Variants in WDPCP observed in about 807,000 individuals in gnomAD.
The protein encoded by WDPCP is WD repeat-containing and planar cell polarity effector protein fritz homolog.
WDPCP carries 71 observed loss-of-function variants against 93.1 expected under a neutral mutation model. The observed-to-expected ratio is 0.76, with a 90% CI of 0.63 to 0.93. The LOEUF (loss-of-function observed/expected upper bound fraction) is 0.93, where lower values mean the gene tolerates loss of function less well. WDPCP is among the 40% of genes least tolerant of loss of function. The pLI, the probability that WDPCP is intolerant of heterozygous loss-of-function variation, is 0.00. For missense variants in WDPCP, 844 were observed against 887.4 expected (o/e 0.95, Z 0.62); for synonymous variants, 315 against 315.0 (o/e 1.00, Z 0.00).
intron 14 of WDPCP, among the ~76,000 whole-genome samples, chr2:63,192,729 A>G (rs1319869499): frequency 6.6e-6 from 1 of 152,188 alleles, no homozygotes. Context: ...GCTGTTATAC[A>G]TTTGTCTTCT....
At chr2:63,187,470 C>T (rs1674723794) in intron 14 of WDPCP, among the ~76,000 whole-genome samples, 1 of 152,076 alleles carries the variant, frequency 6.6e-6, no homozygotes, top group Non-Finnish European at 1.5e-5. Context: ...GTCTTTGACT[C>T]CCTTCTTTGT....
intron 2 of WDPCP, among the ~76,000 whole-genome samples, chr2:63,749,178 G>C (rs1669842517): frequency 6.6e-6 from 1 of 152,064 alleles, no homozygotes; most frequent in South Asian, 2.1e-4. Context: ...CTCTTTTAAA[G>C]TAAGGGATGA....
intron 15 of WDPCP, among the ~76,000 whole-genome samples, chr2:63,156,030 C>T (rs968501594): frequency 8.5e-5 from 13 of 152,128 alleles, no homozygotes; most frequent in Middle Eastern, 3.2e-3. Flanking sequence ...GACAGAGTCT[C>T]GCTCTGTTGC....
chr2:63,398,794 C>T (rs897348491), intron 10 of WDPCP, among the ~76,000 whole-genome samples: 2 of 152,028 alleles, frequency 1.3e-5, no homozygotes, highest in Admixed American at 6.6e-5. Context: ...ATAAATGCTC[C>T]CTAGTGGGAA....
At chr2:63,466,858 G>T (rs113509603) in intron 6 of WDPCP, among the ~76,000 whole-genome samples, 1 of 152,050 alleles carries the variant, frequency 6.6e-6, no homozygotes, top group Non-Finnish European at 1.5e-5. Flanking sequence ...CTTCCAAAAC[G>T]TTATTAGTCA....
intron 1 of WDPCP, among the ~76,000 whole-genome samples, chr2:63,526,155 A>T (rs1176611996): frequency 6.6e-6 from 1 of 152,108 alleles, no homozygotes; most frequent in East Asian, 1.9e-4. Flanking sequence ...AAAAAGCCAT[A>T]CCAGCCCTTC....
chr2:63,336,238 G>A (rs4353635), intron 12 of WDPCP, among the ~76,000 whole-genome samples: 4 of 152,112 alleles, frequency 2.6e-5, no homozygotes, highest in Admixed American at 1.3e-4. Context: ...GATCAGGACC[G>A]CTTTCCTGTA....
chr2:63,518,417 T>G (rs2106142420), intron 1 of WDPCP: 1 of 152,274 alleles, frequency 6.6e-6, no homozygotes, highest in East Asian at 1.9e-4. Flanking sequence ...AGCAGGTAAA[T>G]GGTCATCTGC....
At chr2:63,699,690 T>C (rs1669016144) in intron 2 of WDPCP, among the ~76,000 whole-genome samples, 1 of 152,200 alleles carries the variant, frequency 6.6e-6, no homozygotes, top group Non-Finnish European at 1.5e-5. Flanking sequence ...GAAGTCTCGT[T>C]TTCTAACATA....
At position 63,238,053 on chromosome 2, in the gene WDPCP, A is replaced by ATGT. The variant is rs1199252196; in HGVS notation, c.1915+21253_1915+21254insACA. Among the ~76,000 whole-genome samples the ATGT allele has an allele frequency of 3.3e-5, 5 of 152,234 alleles. No individual in the cohort carries two copies. In the East Asian group the frequency reaches 9.6e-4, roughly 29 times the overall value. On this transcript the variant is annotated intron_variant, in intron 14 of 17. Coordinates refer to ENST00000272321, the MANE Select transcript of WDPCP (RefSeq NM_015910.7). ...TACAGCTTCATGAGTTAATTGTTAA[A>ATGT]TAAGATGACATGCCCAAAATGGCAG...
intron 13 of WDPCP, among the ~76,000 whole-genome samples, chr2:63,292,018 A>T (rs1481435692): frequency 2.0e-5 from 3 of 150,352 alleles, no homozygotes; most frequent in South Asian, 4.2e-4. Context: ...CTGTAGTCCC[A>T]GCTACTCGGG....
At chr2:63,203,652 C>G (rs1031389966) in intron 14 of WDPCP, among the ~76,000 whole-genome samples, 2 of 152,184 alleles carry the variant, frequency 1.3e-5, no homozygotes, top group Non-Finnish European at 2.9e-5. Context: ...ACCTCCATTA[C>G]CCTTCCCAGC....
intron 13 of WDPCP, among the ~76,000 whole-genome samples, chr2:63,267,513 GAC>G (rs1682239214): frequency 6.6e-6 from 1 of 152,134 alleles, no homozygotes; most frequent in African/African-American, 2.4e-5. Context: ...AAAGATTATG[GAC>G]AGCAAAAGAA....
At chr2:63,230,580 A>C (rs1306181903) in intron 14 of WDPCP, among the ~76,000 whole-genome samples, 1 of 152,126 alleles carries the variant, frequency 6.6e-6, no homozygotes, top group East Asian at 1.9e-4. Context: ...CTATTTCTCC[A>C]CATCCTCTCC....
chr2:63,321,651 T>C (rs951417415), intron 12 of WDPCP, among the ~76,000 whole-genome samples: 5 of 152,152 alleles, frequency 3.3e-5, no homozygotes, highest in African/African-American at 1.2e-4. Context: ...GCCCACAGCA[T>C]TGTAGAGTGA....
chr2:63,348,677 T>C (rs944680841), intron 12 of WDPCP, among the ~76,000 whole-genome samples: 5 of 152,044 alleles, frequency 3.3e-5, no homozygotes, highest in Admixed American at 2.0e-4. Flanking sequence ...ACATGAAAAA[T>C]AATACTAAGT....
intron 14 of WDPCP, among the ~76,000 whole-genome samples, chr2:63,182,081 A>G (rs948927245): frequency 5.9e-5 from 9 of 152,078 alleles, no homozygotes; most frequent in African/African-American, 1.9e-4. Context: ...GTATAAGATC[A>G]TATCATGAGC....
intron 12 of WDPCP, among the ~76,000 whole-genome samples, chr2:63,354,082 A>G (rs930532736): frequency 6.6e-6 from 1 of 152,048 alleles, no homozygotes; most frequent in African/African-American, 2.4e-5. Context: ...CCACCCTCAG[A>G]CTAACAAAGG....
intron 3 of WDPCP, chr2:63,599,380 C>CT: frequency 2.1e-6 from 3 of 1,405,120 alleles, no homozygotes; most frequent in Non-Finnish European, 2.9e-6. Flanking sequence ...TGAGTTTGTG[C>CT]TTTTTTCTTG....
Sources: allele counts gnomAD v4.1 joint callset (sites outside exome capture counted in the v4.1 genomes callset), GRCh38; gene constraint gnomAD v4.1.1; transcripts MANE v1.5; gene names NCBI Gene and HGNC (gene_info 2026-07-23, HGNC 2026-07-21).